Variants in DOK5 observed in about 807,000 individuals in gnomAD.
DOK5 encodes the protein docking protein 5, also known as downstream of tyrosine kinase 5.
Under a neutral mutation model 43.3 loss-of-function variants are expected in DOK5, and 27 were observed. The observed-to-expected ratio is 0.62, with a 90% CI of 0.46 to 0.86. The LOEUF (loss-of-function observed/expected upper bound fraction) is 0.86, where lower values mean the gene tolerates loss of function less well. Among genes scored for constraint, DOK5 ranks in the 40% least tolerant of loss-of-function variants. The pLI, the probability that DOK5 is intolerant of heterozygous loss-of-function variation, is 0.00. For missense variants in DOK5, 373 were observed against 392.9 expected, an observed-to-expected ratio of 0.95 and a Z score of 0.43; for synonymous variants, 146 against 140.1, an observed-to-expected ratio of 1.04 and a Z score of -0.30.
intron 1 of DOK5, among the ~76,000 whole-genome samples, chr20:54,541,830 C>T (rs1345165343): frequency 6.6e-6 from 1 of 152,188 alleles, no homozygotes; most frequent in Non-Finnish European, 1.5e-5. Context: ...TATCTTCAAG[C>T]TTCTTTATTC....
chr20:54,494,447 C>T (rs538232360), intron 1 of DOK5, among the ~76,000 whole-genome samples: 1 of 152,220 alleles, frequency 6.6e-6, no homozygotes, highest in African/African-American at 2.4e-5. Context: ...GTTTGCTTCC[C>T]AGATCTCCAT....
At chr20:54,535,689 C>A (rs370772005) in intron 1 of DOK5, among the ~76,000 whole-genome samples, 35 of 152,126 alleles carry the variant, frequency 2.3e-4, no homozygotes, top group African/African-American at 8.4e-4. Flanking sequence ...ATTGATGTGA[C>A]AAATGGCCAG....
chr20:54,639,264 T>G (rs1370359689), intron 6 of DOK5, among the ~76,000 whole-genome samples: 2 of 152,360 alleles, frequency 1.3e-5, no homozygotes, highest in East Asian at 1.9e-4. Context: ...CCTGTTCATG[T>G]GGCTGCACAG....
intron 7 of DOK5, 33 bp from the exon 8 acceptor site, chr20:54,650,382 G>A: frequency 1.2e-6 from 2 of 1,607,682 alleles, no homozygotes; most frequent in African/African-American, 1.3e-5. Context: ...TTCTTGAAAT[G>A]TAACTGTTGA....
chr20:54,578,531 C>T (rs1985529982), intron 2 of DOK5, among the ~76,000 whole-genome samples: 1 of 152,140 alleles, frequency 6.6e-6, no homozygotes, highest in African/African-American at 2.4e-5. Flanking sequence ...TTTTGATTTT[C>T]TAACTTGGCC....
chr20:54,625,318 A>G (rs1372042770), intron 6 of DOK5, among the ~76,000 whole-genome samples: 1 of 152,216 alleles, frequency 6.6e-6, no homozygotes, highest in Non-Finnish European at 1.5e-5. Flanking sequence ...GTGGGGGTCC[A>G]AGGGCCTCAT....
chr20:54,623,129 C>T (rs1987037141), intron 6 of DOK5, among the ~76,000 whole-genome samples: 1 of 152,070 alleles, frequency 6.6e-6, no homozygotes, highest in African/African-American at 2.4e-5. Flanking sequence ...CAATTAGTGG[C>T]AGTTTTATTT....
chr20:54,626,723 G>A (rs756326322), intron 6 of DOK5, among the ~76,000 whole-genome samples: 2 of 152,094 alleles, frequency 1.3e-5, no homozygotes, highest in Non-Finnish European at 2.9e-5. Context: ...GTGTCGTGAT[G>A]CAATTGTTTA....
intron 5 of DOK5, among the ~76,000 whole-genome samples, chr20:54,602,061 C>G (rs1032477977): frequency 3.9e-5 from 6 of 152,084 alleles, no homozygotes; most frequent in Non-Finnish European, 5.9e-5. Flanking sequence ...TGCAGCTGCC[C>G]GCATTTCCTT....
rs550943378 is a variant in DOK5, at chr20:54,645,925, C to CAAAAAAAAAAAAAAAAAAAAAAA, written c.856+2356_856+2378dup. Among the ~76,000 whole-genome samples the CAAAAAAAAAAAAAAAAAAAAAAA allele has an allele frequency of 1.3e-4, 11 of 85,878 alleles. 1 individual carries two copies. Among genetic ancestry groups the CAAAAAAAAAAAAAAAAAAAAAAA allele is most frequent in the African/African-American group, 2.6e-4 (6 of 23,124 alleles). The allele number at this position is 85,878 out of a possible 152,430, so 56.3% of individuals were successfully genotyped here. ...AGAGCATGGCACATAGCAGATGCTG[C>CAAAAAAAAAAAAAAAAAAAAAAA]AAAAAAAAAAAAAAAAAAAAAAAAA... is the stretch of plus-strand genomic sequence containing the variant. On this transcript the variant is annotated intron_variant, in intron 7 of 7. Transcript: ENST00000262593.
intron 1 of DOK5, among the ~76,000 whole-genome samples, chr20:54,544,425 C>G (rs1194788476): frequency 6.6e-6 from 1 of 152,116 alleles, no homozygotes; most frequent in Non-Finnish European, 1.5e-5. Flanking sequence ...ACTGTGAAAT[C>G]CTGTCATGAC....
chr20:54,545,005 G>A (rs992473892), intron 1 of DOK5, among the ~76,000 whole-genome samples: 4 of 152,120 alleles, frequency 2.6e-5, no homozygotes. Context: ...TCTTTCATAA[G>A]TTTTACAAAG....
At chr20:54,531,141 G>A (rs1983757607) in intron 1 of DOK5, among the ~76,000 whole-genome samples, 1 of 152,154 alleles carries the variant, frequency 6.6e-6, no homozygotes, top group South Asian at 2.1e-4. Flanking sequence ...TATGTTGCTT[G>A]CTTAGAGCCT....
rs538793205 is a variant in DOK5, at chr20:54,574,319, T to C, written c.175-14164T>C. The stretch of plus-strand genomic sequence containing the variant: ...CCTTAATAAGTACAGTTTGAACTTG[T>C]GGTTGTGATAACAGCCAGCTGGCTA... On this transcript the variant is annotated intron_variant, in intron 2 of 7. Transcript: ENST00000262593. Among the ~76,000 whole-genome samples, 5 of 152,184 alleles carry C rather than the reference T, an allele frequency of 3.3e-5. No homozygotes were observed. The East Asian group carries it at 9.7e-4, about 30-fold the overall frequency.
At chr20:54,479,729 C>G (rs1384040021) in intron 1 of DOK5, among the ~76,000 whole-genome samples, 3 of 152,174 alleles carry the variant, frequency 2.0e-5, no homozygotes, top group African/African-American at 7.2e-5. Context: ...CTGACCTCCA[C>G]TCATGTAAAT....
intron 2 of DOK5, among the ~76,000 whole-genome samples, chr20:54,574,954 T>C (rs1196478120): frequency 6.6e-6 from 1 of 152,198 alleles, no homozygotes; most frequent in East Asian, 1.9e-4. Flanking sequence ...GCCTCATTCA[T>C]GGAGGGATTT....
intron 1 of DOK5, among the ~76,000 whole-genome samples, chr20:54,515,067 A>G (rs903682877): frequency 6.6e-6 from 1 of 151,744 alleles, no homozygotes; most frequent in South Asian, 2.1e-4. Context: ...CTGGAGTGCA[A>G]TGGTGCGATC....
intron 1 of DOK5, among the ~76,000 whole-genome samples, chr20:54,530,709 C>T (rs1183436656): frequency 6.6e-6 from 1 of 152,138 alleles, no homozygotes. Flanking sequence ...GGTTCTCTCC[C>T]ATGTGCACGT....
At chr20:54,609,084 G>A (rs1568808387) in intron 5 of DOK5, among the ~76,000 whole-genome samples, 1 of 152,166 alleles carries the variant, frequency 6.6e-6, no homozygotes, top group Non-Finnish European at 1.5e-5. Flanking sequence ...ATAGAAGGCT[G>A]TCATTTGGCT....
Sources: allele counts gnomAD v4.1 joint callset (sites outside exome capture counted in the v4.1 genomes callset), GRCh38; gene constraint gnomAD v4.1.1; transcripts MANE v1.5; gene names NCBI Gene and HGNC (gene_info 2026-07-23, HGNC 2026-07-21).